The following SYT1 variants were observed in gnomAD, a reference collection of about 807,000 sequenced individuals.
The protein encoded by SYT1 is synaptotagmin-1.
Under a neutral mutation model 44.8 loss-of-function variants are expected in SYT1, and 8 were observed. That is an observed-to-expected ratio of 0.18 (90% confidence interval 0.10 to 0.32). The LOEUF (loss-of-function observed/expected upper bound fraction) is 0.32, where lower values mean the gene tolerates loss of function less well. Ranked by LOEUF, SYT1 falls within the 10% of genes least tolerant of loss-of-function variation. SYT1 has a pLI of 1.00. For synonymous variants in SYT1, 154 were observed against 188.8 expected (o/e 0.82, Z 1.51); for missense variants, 286 against 509.3 (o/e 0.56, Z 4.22).
At position 78,876,704 on chromosome 12, in the gene SYT1, TATATA is replaced by T. The variant is rs1294922173; in HGVS notation, c.-217+11601_-217+11605del. ...GTATATATACACACATGTAGTATAT[TATATA>T]ATATATTATATAATATAATTATATA... On this transcript the variant is annotated intron_variant, in intron 1 of 10. Transcript: ENST00000261205. Among the ~76,000 whole-genome samples the T allele has an allele frequency of 3.4e-5, 4 of 118,762 alleles. No individual in the cohort carries two copies. In the Admixed American group the frequency reaches 3.4e-4, roughly 10 times the overall value. The allele number at this position is 118,762 out of a possible 152,430, so 77.9% of individuals were successfully genotyped here.
At chr12:79,432,008 AAG>A (rs1869819860) in intron 9 of SYT1, among the ~76,000 whole-genome samples, 1 of 152,188 alleles carries the variant, frequency 6.6e-6, no homozygotes, top group Non-Finnish European at 1.5e-5. Flanking sequence ...AGCTTTATGA[AAG>A]AGAATCACAT....
chr12:79,122,430 C>T (rs975414243), intron 3 of SYT1, among the ~76,000 whole-genome samples: 4 of 144,540 alleles, frequency 2.8e-5, no homozygotes, highest in African/African-American at 1.0e-4. Context: ...AGGAGAATGG[C>T]GTGAACCCGG....
At chr12:78,864,283 A>G (rs554300614), upstream of SYT1, 1 of 150,884 alleles carries the variant, frequency 6.6e-6, no homozygotes, top group African/African-American at 2.4e-5. Context: ...GCGAACCCAC[A>G]CACATCGAAA....
chr12:79,056,045 T>C (rs1239625142), intron 3 of SYT1, among the ~76,000 whole-genome samples: 8 of 152,032 alleles, frequency 5.3e-5, no homozygotes, highest in Non-Finnish European at 1.5e-5. Flanking sequence ...TGTACAGGTT[T>C]GTAGCCCAAG....
chr12:78,908,988 C>T (rs1876151491), intron 1 of SYT1, among the ~76,000 whole-genome samples: 1 of 151,822 alleles, frequency 6.6e-6, no homozygotes, highest in Non-Finnish European at 1.5e-5. Flanking sequence ...TTCCTAATCC[C>T]TGCAGGACAA....
intron 9 of SYT1, among the ~76,000 whole-genome samples, chr12:79,394,819 T>A (rs1884806289): frequency 6.6e-6 from 1 of 152,230 alleles, no homozygotes; most frequent in Non-Finnish European, 1.5e-5. Flanking sequence ...ACTGTAAATT[T>A]AATCTTCCAA....
chr12:79,306,619 A>C (rs947973374), intron 8 of SYT1, among the ~76,000 whole-genome samples: 5 of 152,224 alleles, frequency 3.3e-5, no homozygotes, highest in African/African-American at 1.2e-4. Context: ...AGGAGATATA[A>C]ATTCTGATAC....
intron 3 of SYT1, among the ~76,000 whole-genome samples, chr12:79,112,170 AAG>A (rs112459730): frequency 1.3e-3 from 193 of 152,210 alleles, no homozygotes; most frequent in African/African-American, 4.4e-3. Context: ...AGGAATTTAA[AAG>A]AGGGGATTGT....
At chr12:79,056,119 T>G (rs1028782615) in intron 3 of SYT1, among the ~76,000 whole-genome samples, 1 of 152,062 alleles carries the variant, frequency 6.6e-6, no homozygotes, top group African/African-American at 2.4e-5. Flanking sequence ...TTAGTATAAG[T>G]ACATGCTATG....
intron 9 of SYT1, among the ~76,000 whole-genome samples, chr12:79,363,589 G>A (rs966373716): frequency 6.7e-6 from 1 of 149,428 alleles, no homozygotes; most frequent in African/African-American, 2.5e-5. Context: ...AAAAAAAATA[G>A]CCAGGAATGG....
intron 8 of SYT1, among the ~76,000 whole-genome samples, chr12:79,322,976 T>TGTAGGCTA (rs1324617400): frequency 2.0e-5 from 3 of 152,160 alleles, no homozygotes; most frequent in Non-Finnish European, 2.9e-5. Context: ...TAGTCTTGCT[T>TGTAGGCTA]CAAGGCAAGG....
At chr12:79,443,212 G>C (rs1870527261) in intron 9 of SYT1, among the ~76,000 whole-genome samples, 2 of 152,044 alleles carry the variant, frequency 1.3e-5, no homozygotes, top group African/African-American at 4.8e-5. Flanking sequence ...TCGAACACTT[G>C]AAGTTCTTCT....
At chr12:79,177,878 A>G (rs1277618849) in intron 3 of SYT1, among the ~76,000 whole-genome samples, 2 of 75,736 alleles carry the variant, frequency 2.6e-5, no homozygotes, top group Non-Finnish European at 5.2e-5. Flanking sequence ...TCCTTCGCCC[A>G]CTTTTTGATG....
intron 4 of SYT1, among the ~76,000 whole-genome samples, chr12:79,252,360 T>C (rs542558614): frequency 1.8e-4 from 27 of 152,292 alleles, no homozygotes; most frequent in African/African-American, 5.3e-4. Flanking sequence ...ATATTTAGTA[T>C]ACATTCACTG....
intron 2 of SYT1, among the ~76,000 whole-genome samples, chr12:79,003,794 G>A (rs1870898206): frequency 6.6e-6 from 1 of 151,826 alleles, no homozygotes; most frequent in Non-Finnish European, 1.5e-5. Context: ...CTTCTACAAA[G>A]AAAAAATGTA....
intron 8 of SYT1, among the ~76,000 whole-genome samples, chr12:79,340,234 G>A (rs190148401): frequency 6.6e-6 from 1 of 152,230 alleles, no homozygotes; most frequent in East Asian, 1.9e-4. Flanking sequence ...GATGGGGATG[G>A]CACTGAATCT....
At chr12:79,320,055 C>G (rs1309083064) in intron 8 of SYT1, among the ~76,000 whole-genome samples, 1 of 152,100 alleles carries the variant, frequency 6.6e-6, no homozygotes, top group African/African-American at 2.4e-5. Flanking sequence ...GTTTTCTAAG[C>G]CCTTGTGTTT....
intron 1 of SYT1, among the ~76,000 whole-genome samples, chr12:78,938,112 T>A (rs368543738): frequency 1.3e-5 from 2 of 152,238 alleles, no homozygotes; most frequent in South Asian, 4.2e-4. Context: ...TATCTTTGCA[T>A]TTCTCTTTTT....
intron 4 of SYT1, among the ~76,000 whole-genome samples, chr12:79,234,310 A>G (rs1876046498): frequency 6.6e-6 from 1 of 152,212 alleles, no homozygotes; most frequent in Non-Finnish European, 1.5e-5. Flanking sequence ...TTTACATACA[A>G]TAAGATGCAC....
Sources: allele counts gnomAD v4.1 joint callset (sites outside exome capture counted in the v4.1 genomes callset), GRCh38; gene constraint gnomAD v4.1.1; transcripts MANE v1.5; gene names NCBI Gene and HGNC (gene_info 2026-07-23, HGNC 2026-07-21).